The following KEL variants were observed in gnomAD, a reference collection of about 807,000 sequenced individuals.
The protein encoded by KEL is Kell metallo-endopeptidase (Kell blood group).
KEL carries 96 observed loss-of-function variants against 99.5 expected under a neutral mutation model. That is an observed-to-expected ratio of 0.97 (90% CI 0.82 to 1.14). The LOEUF (loss-of-function observed/expected upper bound fraction) is 1.14. Among genes scored for constraint, KEL ranks in the 50% most tolerant of loss-of-function variants. The pLI is 0.00. For synonymous variants in KEL, 355 were observed against 354.8 expected, an observed-to-expected ratio of 1.00 and a Z score of -0.01; for missense variants, 926 against 924.2, an observed-to-expected ratio of 1.00 and a Z score of -0.03.
In KEL at chr7:142,957,980, AGG is replaced by A; in HGVS notation, c.526-9_526-8del. ...AGATGCGCCAGCCTCCAAGCTTTAA[AGG>A]AGAGAGAGGGGGCTGAGCATAAGGA... On this transcript the variant is annotated splice_polypyrimidine_tract_variant and splice_region_variant and intron_variant, in intron 5 of 18. Transcript: ENST00000355265. 6.2e-7 allele frequency: 1 copy of A among 1,613,610 alleles called. No homozygotes were observed. Among genetic ancestry groups the A allele is most frequent in the Non-Finnish European group, 8.5e-7 (1 of 1,179,772 alleles).
At chr7:142,950,286 G>C (rs1796649099) in intron 10 of KEL, among the ~76,000 whole-genome samples, 2 of 152,148 alleles carry the variant, frequency 1.3e-5, no homozygotes, top group South Asian at 2.1e-4. Context: ...TCTCCTTCCT[G>C]CTCTGATTCC....
At chr7:142,961,287 G>T (rs539084194) in intron 3 of KEL, 73 bp downstream of exon 3, 1 of 1,601,718 alleles carries the variant, frequency 6.2e-7, no homozygotes, top group Non-Finnish European at 8.5e-7. Flanking sequence ...GAAGCCCCAG[G>T]AGCAGGGACT....
intron 10 of KEL, among the ~76,000 whole-genome samples, chr7:142,947,186 C>G (rs1796555529): frequency 1.3e-5 from 2 of 152,214 alleles, no homozygotes; most frequent in African/African-American, 4.8e-5. Context: ...GAGGAGGTAG[C>G]TGGCCTGAGG....
Position 142,944,283 on chromosome 7 carries a change from G to A in KEL, c.1491+40C>T, listed in dbSNP as rs183501830. The A allele has an allele frequency of 2.2e-5, 33 of 1,497,910 alleles. No individual in the cohort carries two copies. In the Admixed American group the frequency reaches 4.7e-4, roughly 21 times the overall value. 92.8% of individuals were successfully genotyped at this position (1,497,910 alleles called of 1,614,324 possible). On this transcript the variant is annotated intron_variant, in intron 13 of 18. Transcript: ENST00000355265. ...AGGAGGGTCAGAGAAGTGACGAGAAGTCAAGGACTGAAAAGGAGCTGGAAA... is the reference window on the plus strand; with the variant it reads ...AGGAGGGTCAGAGAAGTGACGAGAAATCAAGGACTGAAAAGGAGCTGGAAA...
At chr7:142,962,059 C>A in intron 1 of KEL, 145 bp downstream of exon 1, 3 of 1,610,398 alleles carry the variant, frequency 1.9e-6, no homozygotes, top group Non-Finnish European at 2.5e-6. Flanking sequence ...TGCCATTTCT[C>A]GATCCCTCTC....
At chr7:142,954,424 T>C (rs1487526259) in intron 7 of KEL, 41 bp downstream of exon 7, 1 of 1,611,912 alleles carries the variant, frequency 6.2e-7, no homozygotes, top group South Asian at 1.1e-5. Flanking sequence ...GCTTTTCTCC[T>C]GGCCTCAGAG....
Position 142,942,887 on chromosome 7 carries a change from G to A in KEL, c.1929C>T (p.Ala643=), listed in dbSNP as rs1275526447. Residue 643 remains alanine (A), a synonymous_variant, in exon 17 of 19, where the codon GCC becomes GCT. Coordinates refer to ENST00000355265, the MANE Select transcript of KEL (RefSeq NM_000420.3). The part of the protein sequence containing the change: ...LENAADVGGL[A]IALQAYSKRL... The stretch of plus-strand genomic sequence containing the variant: ...GACACTTGCATACCTGCAGCGCGAT[G>A]GCTAGCCCCCCAACGTCTGCAGCAT... 6.2e-7 allele frequency: 1 copy of A among 1,614,204 alleles called. No individual in the cohort carries two copies.
Position 142,961,841 on chromosome 7 carries a change from C to T in KEL, c.35G>A (p.Arg12Lys). The part of the protein sequence containing the change: ...EGGDQSEEEP[R>K]ERSQAGGMGT... ...CATTCCACCTGCCTGGCTGCGTTCC[C>T]TCGGCTCTTCCTCACTTTGGTCCCC... The change falls in exon 2 of 19, where the codon AGG becomes AAG. Residue 12 changes from arginine (R) to lysine (K), a missense_variant. By Grantham distance (26) the Arg-to-Lys change is conservative (BLOSUM62 2). Transcript: ENST00000355265. 6.2e-7 allele frequency: 1 copy of T among 1,614,092 alleles called. No homozygotes were observed. The highest frequency in any genetic ancestry group is 2.2e-5 in the East Asian group (1 of 44,866).
In KEL at chr7:142,959,551, T is replaced by A. The variant is rs1796905618; in HGVS notation, c.401-1123A>T. On this transcript the variant is annotated intron_variant, in intron 4 of 18. Transcript: ENST00000355265. ...GAAATGATTGAAGAAATTAGACAAA[T>A]TCAGGGAACTAGAGAACTTTAAGGA... 2.0e-5 allele frequency among the ~76,000 whole-genome samples: 3 copies of A among 151,992 alleles called. No individual in the cohort carries two copies. In the South Asian group the frequency reaches 6.2e-4, roughly 32 times the overall value.
Position 142,947,138 on chromosome 7 carries a change from G to A in KEL, c.1204-821C>T, listed in dbSNP as rs950150860. Among the ~76,000 whole-genome samples the A allele has an allele frequency of 5.3e-5, 8 of 152,292 alleles. No homozygotes were observed. In the South Asian group the frequency reaches 1.7e-3, roughly 32 times the overall value. On this transcript the variant is annotated intron_variant, in intron 10 of 18. Transcript: ENST00000355265. ...CAAGGCATAAACCCAGAGATGACAC[G>A]GTAAATGGAGACACACACTCAAGGA...
chr7:142,953,269 C>T (rs1036747931), intron 9 of KEL: 2 of 803,970 alleles, frequency 2.5e-6, no homozygotes, highest in Non-Finnish European at 3.0e-6. Context: ...GATTTCCTGA[C>T]ACCAGCAGAA....
intron 9 of KEL, among the ~76,000 whole-genome samples, chr7:142,952,872 A>T (rs1284291732): frequency 1.3e-5 from 2 of 152,236 alleles, no homozygotes; most frequent in African/African-American, 2.4e-5. Context: ...TCAAAGTCAC[A>T]GGGAAAGAAA....
rs1562957050 is a variant in KEL, at chr7:142,943,560, A to G, written c.1629T>C (p.Tyr543=). 3 of 1,614,026 alleles carry G rather than the reference A, an allele frequency of 1.9e-6. No homozygotes were observed. The highest frequency in any genetic ancestry group is 2.5e-6 in the Non-Finnish European group (3 of 1,180,012). Residue 543 remains tyrosine, a synonymous_variant, in exon 15 of 19, where the codon TAT becomes TAC. Coordinates refer to ENST00000355265, the MANE Select transcript of KEL (RefSeq NM_000420.3). The part of the protein sequence containing the change: ...KVSPWDVNAY[Y]SVSDHVVVFP... ...AGACTACCACATGGTCAGATACCGA[A>G]TAGTAAGCATTGACGTCCCAAGGGG...
Position 142,943,056 on chromosome 7 carries a change from G to A in KEL, c.1772-12C>T, listed in dbSNP as rs975850212. On this transcript the variant is annotated splice_polypyrimidine_tract_variant and intron_variant, in intron 16 of 18. Coordinates refer to ENST00000355265, the MANE Select transcript of KEL (RefSeq NM_000420.3). Reference sequence around the variant, plus strand: ...GCCCCCAGGCAGTACTGTTGAAAATGGGACAAGAGAACATACAGCAAGAGA... The same window carrying A: ...GCCCCCAGGCAGTACTGTTGAAAATAGGACAAGAGAACATACAGCAAGAGA... The A allele has an allele frequency of 6.2e-7, 1 of 1,613,772 alleles. No homozygotes were observed.
At chr7:142,960,711 G>A (rs1796934272) in intron 4 of KEL, among the ~76,000 whole-genome samples, 1 of 152,148 alleles carries the variant, frequency 6.6e-6, no homozygotes, top group Non-Finnish European at 1.5e-5. Context: ...CCCAAGGCAA[G>A]GCAACAGGAA....
chr7:142,953,685 C>T, intron 9 of KEL, 123 bp downstream of exon 9: 1 of 1,173,530 alleles, frequency 8.5e-7, no homozygotes, highest in Non-Finnish European at 1.3e-6. Context: ...TGGCAGGTTC[C>T]TCTTATCCTC....
intron 10 of KEL, chr7:142,946,627 C>T: frequency 4.6e-6 from 2 of 433,566 alleles, no homozygotes; most frequent in Non-Finnish European, 8.4e-6. Flanking sequence ...AAGATGAGAA[C>T]CCAAACTCAT....
At position 142,954,190 on chromosome 7, in the gene KEL, C is replaced by A. The variant is rs1013401003; in HGVS notation, c.918G>T (p.Gln306His). 1.9e-6 allele frequency: 3 copies of A among 1,609,724 alleles called. No individual in the cohort carries two copies. The highest frequency in any genetic ancestry group is 3.3e-5 in the Admixed American group (2 of 60,028). ...GGCCCCCAGTTCCAGGCACCTTGAG[C>A]TGGTCGATAGTGACCATCTGGAAGA... ...GKLFQMVTID[Q>H]LKEMAPAIDW... is the part of the protein sequence containing the mutation. The change falls in exon 8 of 19, where the codon CAG becomes CAT. Residue 306 changes from glutamine to histidine, a missense_variant. By Grantham distance (24) the Gln-to-His change is conservative. Coordinates refer to ENST00000355265, the MANE Select transcript of KEL (RefSeq NM_000420.3).
intron 11 of KEL, among the ~76,000 whole-genome samples, chr7:142,945,189 C>A (rs1243035118): frequency 6.6e-6 from 1 of 152,228 alleles, no homozygotes; most frequent in South Asian, 2.1e-4. Flanking sequence ...GCAAGTCCCC[C>A]ACAAGTCTCC....
Sources: allele counts gnomAD v4.1 joint callset (sites outside exome capture counted in the v4.1 genomes callset), GRCh38; gene constraint gnomAD v4.1.1; transcripts MANE v1.5; gene names NCBI Gene and HGNC (gene_info 2026-07-23, HGNC 2026-07-21).